Variants in TENM3 observed in about 807,000 individuals in gnomAD.
TENM3 encodes the protein teneurin-3.
A neutral mutation model predicts 255.1 loss-of-function variants in TENM3; 63 were observed. That is an observed-to-expected ratio of 0.25 (90% CI 0.20 to 0.30). The LOEUF (loss-of-function observed/expected upper bound fraction) is 0.30. Ranked by LOEUF, TENM3 falls within the 10% of genes least tolerant of loss-of-function variation. The pLI, the probability that TENM3 is intolerant of heterozygous loss-of-function variation, is 1.00. For missense variants in TENM3, 2,929 were observed against 3,461.1 expected (o/e 0.85, Z 3.86); for synonymous variants, 1,306 against 1,322.3 (o/e 0.99, Z 0.27).
intron 3 of TENM3, among the ~76,000 whole-genome samples, chr4:182,365,016 T>C (rs2150812344): frequency 6.6e-6 from 1 of 152,340 alleles, no homozygotes; most frequent in African/African-American, 2.4e-5. Flanking sequence ...CTTGTATCAA[T>C]TTATACTCCC....
At chr4:181,632,660 G>A in the TENM3 span, among the ~76,000 whole-genome samples, 1 of 152,130 alleles carries the variant, frequency 6.6e-6, no homozygotes, top group Admixed American at 6.5e-5. Context: ...CTGCCTCAGT[G>A]TGAATCACAC....
At chr4:181,865,779 T>A in the TENM3 span, among the ~76,000 whole-genome samples, 1 of 152,172 alleles carries the variant, frequency 6.6e-6, no homozygotes, top group Non-Finnish European at 1.5e-5. Flanking sequence ...ATCCGGTCAG[T>A]GTACTCTTCT....
intron 1 of TENM3, among the ~76,000 whole-genome samples, chr4:182,220,987 C>A (rs1180247821): frequency 6.6e-6 from 1 of 152,180 alleles, no homozygotes; most frequent in African/African-American, 2.4e-5. Flanking sequence ...TGTTTTACCC[C>A]TTCGCTTAAT....
At position 182,754,909 on chromosome 4, in the gene TENM3, G is replaced by C; in HGVS notation, c.4542G>C (p.Ala1514=). The C allele has an allele frequency of 6.2e-7, 1 of 1,613,996 alleles. No individual in the cohort carries two copies. The highest frequency in any genetic ancestry group is 1.3e-5 in the African/African-American group (1 of 75,060). ...ACTCTATGAACTTCTATGAAGTTGC[G>C]TCTCCAACTGATCAAGAACTCTACA... ...LLNSMNFYEV[A]SPTDQELYIF... The change falls in exon 22 of 28, where the codon GCG becomes GCC. Residue 1514 remains alanine (A), a synonymous_variant. Coordinates refer to ENST00000511685, the MANE Select transcript of TENM3 (RefSeq NM_001080477.4). This position sits in a 1 kb window ranked among gnomAD's most constrained non-coding sequence, Gnocchi z 5.1.
chr4:182,073,899 A>G, the TENM3 span, among the ~76,000 whole-genome samples: 1 of 152,188 alleles, frequency 6.6e-6, no homozygotes, highest in African/African-American at 2.4e-5. Context: ...AATTGGCACA[A>G]AAGCACCTCA....
chr4:182,156,386 T>C (rs1277048174), intron 1 of TENM3, among the ~76,000 whole-genome samples: 1 of 152,074 alleles, frequency 6.6e-6, no homozygotes, highest in African/African-American at 2.4e-5. Flanking sequence ...GATTCAGGGG[T>C]GCACAGGCAG....
the TENM3 span, among the ~76,000 whole-genome samples, chr4:181,769,723 T>G: frequency 2.0e-5 from 3 of 152,230 alleles, no homozygotes; most frequent in Non-Finnish European, 4.4e-5. Flanking sequence ...TGCCCTATTT[T>G]TAATCATTTG....
the TENM3 span, among the ~76,000 whole-genome samples, chr4:181,587,446 G>A: frequency 2.6e-5 from 4 of 152,144 alleles, no homozygotes; most frequent in Admixed American, 6.5e-5. Flanking sequence ...TCCATTTGCC[G>A]TCTCTTATCT....
intron 3 of TENM3, among the ~76,000 whole-genome samples, chr4:182,470,997 C>T (rs145914834): frequency 7.2e-5 from 11 of 152,260 alleles, no homozygotes; most frequent in Admixed American, 2.0e-4. Context: ...GAGTTTACCA[C>T]GTCCGTCAAT....
intron 3 of TENM3, among the ~76,000 whole-genome samples, chr4:182,378,051 G>T (rs538020563): frequency 2.0e-5 from 3 of 151,724 alleles, no homozygotes. Flanking sequence ...AAGGCAGTTC[G>T]CTTGCAAGGA....
intron 3 of TENM3, chr4:182,349,844 G>C (rs186362423): frequency 5.2e-6 from 2 of 381,670 alleles, no homozygotes; most frequent in Non-Finnish European, 1.0e-5. Flanking sequence ...ATACTAGCTT[G>C]AGATGTGTTC....
chr4:182,712,781 AG>A (rs1758850579), intron 12 of TENM3, among the ~76,000 whole-genome samples: 1 of 152,254 alleles, frequency 6.6e-6, no homozygotes, highest in Non-Finnish European at 1.5e-5. Context: ...CCGGAGCAAT[AG>A]TAGCATTCAA....
intron 12 of TENM3, among the ~76,000 whole-genome samples, chr4:182,704,521 C>T (rs1758123666): frequency 6.6e-6 from 1 of 152,184 alleles, no homozygotes. Context: ...AGCAGCTCTT[C>T]CATAGAATCT....
intron 22 of TENM3, among the ~76,000 whole-genome samples, chr4:182,765,748 G>A (rs1763664097): frequency 6.6e-6 from 1 of 152,096 alleles, no homozygotes; most frequent in Admixed American, 6.6e-5. Context: ...CCCCTGTCTG[G>A]ATTTTCCTGT....
chr4:181,475,769 T>G, the TENM3 span, among the ~76,000 whole-genome samples: 1 of 152,246 alleles, frequency 6.6e-6, no homozygotes, highest in East Asian at 1.9e-4. Flanking sequence ...TTCTAGTACT[T>G]AAAAAGTAGT....
the TENM3 span, among the ~76,000 whole-genome samples, chr4:181,452,173 C>T: frequency 6.6e-6 from 1 of 152,006 alleles, no homozygotes; most frequent in Non-Finnish European, 1.5e-5. Context: ...TGGGCAAAAT[C>T]CATATTGAAG....
At chr4:182,590,307 A>G (rs912329121) in intron 3 of TENM3, among the ~76,000 whole-genome samples, 1 of 151,990 alleles carries the variant, frequency 6.6e-6, no homozygotes, top group Non-Finnish European at 1.5e-5. Flanking sequence ...TCTCAGTAAC[A>G]GTTGAGACCT....
intron 22 of TENM3, 115 bp from the exon 23 acceptor site, chr4:182,773,357 C>CGAA (rs1764419477): frequency 1.1e-6 from 1 of 950,000 alleles, no homozygotes; most frequent in Non-Finnish European, 1.6e-6. Context: ...CGCTCATCCA[C>CGAA]GAAGACAAAT....
At chr4:182,678,493 T>C (rs1194449188) in intron 7 of TENM3, among the ~76,000 whole-genome samples, 1 of 152,192 alleles carries the variant, frequency 6.6e-6, no homozygotes, top group Non-Finnish European at 1.5e-5. Flanking sequence ...CCCATGGCGT[T>C]CTCCATGGTG....
Sources: allele counts gnomAD v4.1 joint callset (sites outside exome capture counted in the v4.1 genomes callset), GRCh38; gene constraint gnomAD v4.1.1; non-coding constraint Gnocchi (gnomAD v3.1); transcripts MANE v1.5; gene names NCBI Gene and HGNC (gene_info 2026-07-23, HGNC 2026-07-21).